Variants in DNMT1 observed in about 807,000 individuals in gnomAD.
The protein encoded by DNMT1 is DNA (cytosine-5)-methyltransferase 1.
In DNMT1, 24 loss-of-function variants were observed where a neutral mutation model predicts 205.3. The observed-to-expected ratio is 0.12, with a 90% CI of 0.08 to 0.16. The LOEUF (loss-of-function observed/expected upper bound fraction) is 0.16. Ranked by LOEUF, DNMT1 falls within the 10% of genes least tolerant of loss-of-function variation. The pLI is 1.00. For synonymous variants in DNMT1, 817 were observed against 839.8 expected, an observed-to-expected ratio of 0.97 and a Z score of 0.47; for missense variants, 1,293 against 2,177.7, an observed-to-expected ratio of 0.59 and a Z score of 8.09.
At position 10,183,125 on chromosome 19, in the gene DNMT1, A is replaced by ATATACGTGTGTATATATATATAT. The variant is rs767124770; in HGVS notation, c.81-1049_81-1048insATATATATATATACACACGTATA. On this transcript the variant is annotated intron_variant, in intron 1 of 40. Coordinates refer to ENST00000359526, the MANE Select transcript of DNMT1 (RefSeq NM_001130823.3). ...TATATACGTGTGTATATATATATAT[A>ATATACGTGTGTATATATATATAT]TTTTTTTTTTTTGAGATAGGGTTTT... Among the ~76,000 whole-genome samples the ATATACGTGTGTATATATATATAT allele has an allele frequency of 2.1e-3, 249 of 117,436 alleles. 1 individual carries two copies. Among genetic ancestry groups the ATATACGTGTGTATATATATATAT allele is most frequent in the South Asian group, 0.018 (61 of 3,378 alleles). 77.0% of individuals were successfully genotyped at this position (117,436 alleles called of 152,430 possible). A position where few individuals can be genotyped will look rare whatever the true frequency, so the allele number is the denominator to read the frequency against.
At chr19:10,136,335 G>T in intron 37 of DNMT1, 48 bp from the exon 38 acceptor site, 1 of 1,608,304 alleles carries the variant, frequency 6.2e-7, no homozygotes, top group South Asian at 1.1e-5. Flanking sequence ...ATGGGGTATA[G>T]GCTTGGGACA....
At chr19:10,180,915 C>T (rs2039034502) in intron 2 of DNMT1, 30 bp from the exon 3 acceptor site, 9 of 1,582,518 alleles carry the variant, frequency 5.7e-6, no homozygotes, top group Non-Finnish European at 7.8e-6. Flanking sequence ...TTAGCAGTAC[C>T]CACATTCCCA....
At chr19:10,136,365 GA>G (rs1419378023) in intron 37 of DNMT1, 78 bp from the exon 38 acceptor site, 1 of 1,581,704 alleles carries the variant, frequency 6.3e-7, no homozygotes, top group Non-Finnish European at 8.6e-7. Flanking sequence ...AGAGCTTTGG[GA>G]GGCAGAGATG....
chr19:10,191,578 G>A (rs1225315122), intron 1 of DNMT1, among the ~76,000 whole-genome samples: 1 of 152,074 alleles, frequency 6.6e-6, no homozygotes, highest in Non-Finnish European at 1.5e-5. Context: ...GGCCAACAGA[G>A]CCCCTGAGCC....
chr19:10,184,201 C>G (rs939880482), intron 1 of DNMT1: 1 of 152,122 alleles, frequency 6.6e-6, no homozygotes. Context: ...AATGAGTAGC[C>G]CAGGGCCACA....
chr19:10,153,072 A>T (rs992934022), intron 22 of DNMT1, among the ~76,000 whole-genome samples: 5 of 152,218 alleles, frequency 3.3e-5, no homozygotes, highest in African/African-American at 1.2e-4. Flanking sequence ...CACACTGCTC[A>T]AATGGTAAGT....
intron 25 of DNMT1, 32 bp downstream of exon 25, chr19:10,149,821 T>C (rs756408476): frequency 9.9e-6 from 16 of 1,612,052 alleles, no homozygotes; most frequent in African/African-American, 6.7e-5. Context: ...AGAAAGTGCA[T>C]GCAGAAGTCA....
chr19:10,141,437 G>T (rs1286810377), intron 30 of DNMT1: 12 of 510,638 alleles, frequency 2.3e-5, no homozygotes, highest in African/African-American at 5.8e-5. Context: ...GTACCTTCTA[G>T]AACAGGAAAA....
chr19:10,167,227 G>T (rs1599380821), intron 10 of DNMT1, among the ~76,000 whole-genome samples: 1 of 149,724 alleles, frequency 6.7e-6, no homozygotes, highest in African/African-American at 2.5e-5. Flanking sequence ...GCAGAGTCTC[G>T]CTCTATCACC....
chr19:10,158,641 A>T (rs1352389132), intron 17 of DNMT1, among the ~76,000 whole-genome samples: 1 of 152,174 alleles, frequency 6.6e-6, no homozygotes. Flanking sequence ...GCCTCTGCCC[A>T]CTCAAGAGCT....
At chr19:10,173,756 T>C in intron 8 of DNMT1, 115 bp downstream of exon 8, 1 of 1,150,938 alleles carries the variant, frequency 8.7e-7, no homozygotes, top group Non-Finnish European at 1.3e-6. Context: ...CCTCCCAAAG[T>C]GCTGAGATTA....
chr19:10,159,589 G>A lies in DNMT1; in HGVS notation c.1280+69C>T. 2 of 1,489,886 alleles carry A rather than the reference G, an allele frequency of 1.3e-6. No homozygotes were observed. Among genetic ancestry groups the A allele is most frequent in the Non-Finnish European group, 1.9e-6 (2 of 1,070,542 alleles). 92.3% of individuals were successfully genotyped at this position (1,489,886 alleles called of 1,614,324 possible). A position where few individuals can be genotyped will look rare whatever the true frequency, so the allele number is the denominator to read the frequency against. ...CACTAAAAAACATCACCAGAATCGT[G>A]AGCCCGCAGGCACCTCTGGGGATGT... On this transcript the variant is annotated intron_variant, in intron 17 of 40. Coordinates refer to ENST00000359526, the MANE Select transcript of DNMT1 (RefSeq NM_001130823.3). The surrounding 1 kb of genome is among the most constrained non-coding windows in gnomAD (Gnocchi z 5.0).
intron 7 of DNMT1, 126 bp downstream of exon 7, chr19:10,175,414 C>A: frequency 9.6e-7 from 1 of 1,039,088 alleles, no homozygotes; most frequent in South Asian, 1.3e-5. Flanking sequence ...GGTCCTGTCT[C>A]TCTGGAGAGC....
In DNMT1 at chr19:10,133,849, C is replaced by T. The variant is rs1321604929; in HGVS notation, c.4865-148G>A. 10 of 916,808 alleles carry T rather than the reference C, an allele frequency of 1.1e-5. No homozygotes were observed. The highest frequency in any genetic ancestry group is 1.6e-5 in the Non-Finnish European group (9 of 576,010). 56.8% of individuals were successfully genotyped at this position (916,808 alleles called of 1,614,324 possible). On this transcript the variant is annotated intron_variant, in intron 40 of 40. Transcript: ENST00000359526. This position sits in a 1 kb window ranked among gnomAD's most constrained non-coding sequence, Gnocchi z 4.1. ...AATAAGTGGCAGAGTGCTAAGGGAACGTTCACGGAGACTGAACACTCCTCA... is the reference window on the plus strand; with the variant it reads ...AATAAGTGGCAGAGTGCTAAGGGAATGTTCACGGAGACTGAACACTCCTCA...
In DNMT1 at chr19:10,154,523, T is replaced by G; in HGVS notation, c.1833-44A>C. On this transcript the variant is annotated intron_variant, in intron 21 of 40. Coordinates refer to ENST00000359526, the MANE Select transcript of DNMT1 (RefSeq NM_001130823.3). The surrounding 1 kb of genome is among the most constrained non-coding windows in gnomAD (Gnocchi z 6.3). ...CATCTCAGAGGACTGGGACAGAGGATGTGGGCCATGCTCTACCCTCCCCGG... is the reference window on the plus strand; with the variant it reads ...CATCTCAGAGGACTGGGACAGAGGAGGTGGGCCATGCTCTACCCTCCCCGG... 5 of 1,614,016 alleles carry G rather than the reference T, an allele frequency of 3.1e-6. No homozygotes were observed. Among genetic ancestry groups the G allele is most frequent in the Non-Finnish European group, 4.2e-6 (5 of 1,180,010 alleles).
Position 10,138,642 on chromosome 19 carries a change from G to A in DNMT1, c.3949-37C>T. 1.3e-6 allele frequency: 2 copies of A among 1,590,374 alleles called. No individual in the cohort carries two copies. The highest frequency in any genetic ancestry group is 1.1e-5 in the South Asian group (1 of 90,178). ...AAGGACGGACAACCCCACCGTCAGT[G>A]GGACACTCCCAACTGGACTGGCCAG... On this transcript the variant is annotated intron_variant, in intron 34 of 40. Transcript: ENST00000359526. The surrounding 1 kb of genome is among the most constrained non-coding windows in gnomAD (Gnocchi z 4.1).
intron 4 of DNMT1, 25 bp from the exon 5 acceptor site, chr19:10,180,259 C>T: frequency 6.7e-7 from 1 of 1,494,040 alleles, no homozygotes; most frequent in Non-Finnish European, 9.1e-7. Context: ...TTACAGTGAG[C>T]CGAGGTTACA....
intron 9 of DNMT1, among the ~76,000 whole-genome samples, chr19:10,169,386 C>CAA (rs61170762): frequency 0.097 from 7,869 of 80,818 alleles, 581 homozygotes; most frequent in African/African-American, 0.22. Context: ...ACTAAAAATA[C>CAA]AAAAAAAAAA....
At chr19:10,171,678 G>A (rs1301250690) in intron 9 of DNMT1, among the ~76,000 whole-genome samples, 2 of 151,990 alleles carry the variant, frequency 1.3e-5, no homozygotes, top group Admixed American at 6.6e-5. Flanking sequence ...GGTGGCAGGC[G>A]CCTGTGGTCC....
Sources: gnomAD v4.1 joint callset for allele counts (sites outside exome capture counted in the v4.1 genomes callset) on GRCh38, gnomAD v4.1.1 for gene constraint, Gnocchi (gnomAD v3.1) non-coding constraint, MANE v1.5 for transcripts, NCBI Gene and HGNC (gene_info 2026-07-23, HGNC 2026-07-21) for gene names.